GDA: variants seen among roughly 807,000 people sequenced by gnomAD.
The protein encoded by GDA is cytoplasmic PSD-95 interactor.
GDA carries 18 observed loss-of-function variants against 59.6 expected under a neutral mutation model. The ratio of observed to expected loss-of-function variants is 0.30; its 90% confidence interval spans 0.21 to 0.45. The LOEUF is 0.45. Ranked by LOEUF, GDA falls within the 20% of genes least tolerant of loss-of-function variation. GDA has a pLI of 1.00. For synonymous variants in GDA, 201 were observed against 201.1 expected (o/e 1.00, Z 0.00); for missense variants, 427 against 552.3 (o/e 0.77, Z 2.27).
chr9:72,167,445 C>A (rs557804554), intron 1 of GDA, among the ~76,000 whole-genome samples: 12 of 152,030 alleles, frequency 7.9e-5, no homozygotes, highest in Non-Finnish European at 1.2e-4. Flanking sequence ...TTACCTGAAC[C>A]CTTAGCAGTT....
intron 1 of GDA, among the ~76,000 whole-genome samples, chr9:72,178,413 ATTTTTTTTTT>A: frequency 8.5e-6 from 1 of 117,164 alleles, no homozygotes; most frequent in South Asian, 2.7e-4. Context: ...TGGAATCGAT[ATTTTTTTTTT>A]TTTTTTTTTT....
chr9:72,191,615 C>T (rs1017213050), intron 1 of GDA, among the ~76,000 whole-genome samples: 1 of 151,686 alleles, frequency 6.6e-6, no homozygotes, highest in Non-Finnish European at 1.5e-5. Flanking sequence ...TGATTCTTTT[C>T]GCTTTTGTTG....
rs765667048 is a variant in GDA, at chr9:72,225,777, C to A, written c.815C>A (p.Thr272Lys). 6 of 1,271,600 alleles carry A rather than the reference C, an allele frequency of 4.7e-6. No homozygotes were observed. In the African/African-American group the frequency reaches 8.9e-5, roughly 19 times the overall value. 78.8% of individuals were successfully genotyped at this position (1,271,600 alleles called of 1,614,324 possible). Reference sequence around the variant, plus strand: ...GTGTATGATAAAAACAATCTTTTGACAAATAAGGTAAGTTTTATATCATGA... The same window carrying A: ...GTGTATGATAAAAACAATCTTTTGAAAAATAAGGTAAGTTTTATATCATGA... ...TSVYDKNNLL[T>K]NKTVMAHGCY... The change falls in exon 8 of 14, where the codon ACA becomes AAA. Residue 272 changes from threonine (T) to lysine (K), a missense_variant. Transcript: ENST00000358399.
At chr9:72,126,282 G>A (rs913845099) in intron 1 of GDA, among the ~76,000 whole-genome samples, 3 of 152,158 alleles carry the variant, frequency 2.0e-5, no homozygotes, top group African/African-American at 7.2e-5. Flanking sequence ...ATAGTTCCAA[G>A]TACTTAGTTT....
chr9:72,210,011 G>A lies in GDA; in HGVS notation c.385-676G>A, dbSNP rs550497825. On this transcript the variant is annotated intron_variant, in intron 3 of 13. Transcript: ENST00000358399. ...ATAAAGAGTAAATCTCTCTTATAAG[G>A]AAGAAGTTAAGGGTGGTTGGCTGAT... 1.1e-3 allele frequency among the ~76,000 whole-genome samples: 168 copies of A among 152,136 alleles called. 1 individual carries two copies. The highest frequency in any genetic ancestry group is 3.9e-3 in the African/African-American group (162 of 41,488).
At chr9:72,247,255 C>T (rs1587808237) in intron 12 of GDA, 151 bp from the exon 13 acceptor site, 1 of 674,578 alleles carries the variant, frequency 1.5e-6, no homozygotes, top group African/African-American at 1.8e-5. Context: ...TTATAAAGCA[C>T]ATAGCCACTT....
chr9:72,199,171 C>A (rs1833617831), intron 2 of GDA, among the ~76,000 whole-genome samples: 1 of 152,114 alleles, frequency 6.6e-6, no homozygotes, highest in Admixed American at 6.5e-5. Flanking sequence ...AACTTGCAAT[C>A]CCAGACCTTC....
At chr9:72,199,994 CTTTTTTTTTTT>C (rs1271694156) in intron 2 of GDA, among the ~76,000 whole-genome samples, 1 of 119,846 alleles carries the variant, frequency 8.3e-6, no homozygotes, top group Non-Finnish European at 1.7e-5. Context: ...TGAATCCTTT[CTTTTTTTTTTT>C]TTTTTTTTTT....
chr9:72,151,117 AG>A (rs1827149067), intron 1 of GDA, among the ~76,000 whole-genome samples: 1 of 152,234 alleles, frequency 6.6e-6, no homozygotes. Context: ...GAATAAGAAA[AG>A]GAAGTAATAA....
chr9:72,161,019 C>T (rs1828558075), intron 1 of GDA, among the ~76,000 whole-genome samples: 2 of 152,088 alleles, frequency 1.3e-5, no homozygotes, highest in South Asian at 2.1e-4. Flanking sequence ...CAATTCTCCA[C>T]CCGCCACCTC....
intron 10 of GDA, among the ~76,000 whole-genome samples, chr9:72,232,702 C>T (rs2131680166): frequency 6.6e-6 from 1 of 152,262 alleles, no homozygotes; most frequent in East Asian, 1.9e-4. Flanking sequence ...CTTTTCTTGA[C>T]TTTGGATTGT....
chr9:72,194,864 G>T (rs1055071712), intron 1 of GDA, among the ~76,000 whole-genome samples: 1 of 152,174 alleles, frequency 6.6e-6, no homozygotes, highest in African/African-American at 2.4e-5. Flanking sequence ...CCCTCTGTGG[G>T]CAGACATCAG....
chr9:72,209,443 A>T (rs1371364774), intron 3 of GDA, among the ~76,000 whole-genome samples: 6 of 151,858 alleles, frequency 4.0e-5, no homozygotes. Flanking sequence ...ACTTTTGGAG[A>T]GCTCCTGCAT....
chr9:72,179,492 C>T (rs1358109235), intron 1 of GDA, among the ~76,000 whole-genome samples: 1 of 152,154 alleles, frequency 6.6e-6, no homozygotes, highest in African/African-American at 2.4e-5. Flanking sequence ...AATCTTGATC[C>T]TTCAGTAAAT....
At position 72,250,684 on chromosome 9, in the gene GDA, G is replaced by A. The variant is rs1239269078; in HGVS notation, c.*2342G>A. ...AATGTAGGTTGACTTTCTGAATTGT[G>A]GAGAGGCACTTTTCCAAGCCAATCT... On this transcript the variant is annotated 3_prime_UTR_variant, in exon 14 of 14. Transcript: ENST00000358399. The A allele has an allele frequency of 6.2e-7, 1 of 1,610,210 alleles. No homozygotes were observed. Among genetic ancestry groups the A allele is most frequent in the East Asian group, 2.2e-5 (1 of 44,818 alleles).
intron 1 of GDA, among the ~76,000 whole-genome samples, chr9:72,157,164 C>T (rs866866219): frequency 4.0e-5 from 6 of 151,714 alleles, no homozygotes; most frequent in South Asian, 2.1e-4. Context: ...CTCAGCCTCC[C>T]GAGGAGGTGG....
chr9:72,236,163 ATT>A (rs1838966818), intron 10 of GDA, among the ~76,000 whole-genome samples: 1 of 151,882 alleles, frequency 6.6e-6, no homozygotes, highest in African/African-American at 2.4e-5. Context: ...TATTCCCCTC[ATT>A]TTCTTTGTAT....
intron 1 of GDA, among the ~76,000 whole-genome samples, chr9:72,173,927 C>G (rs2130986350): frequency 6.6e-6 from 1 of 152,210 alleles, no homozygotes; most frequent in Non-Finnish European, 1.5e-5. Flanking sequence ...TTTCTTCTCT[C>G]TCTCTGCTCC....
chr9:72,119,886 A>T (rs988166696), intron 1 of GDA, among the ~76,000 whole-genome samples: 3 of 151,732 alleles, frequency 2.0e-5, no homozygotes, highest in Admixed American at 6.6e-5. Context: ...TGCAGAAAAG[A>T]TATACGTTTT....
Sources: allele counts gnomAD v4.1 joint callset (sites outside exome capture counted in the v4.1 genomes callset), GRCh38; gene constraint gnomAD v4.1.1; transcripts MANE v1.5; gene names NCBI Gene and HGNC (gene_info 2026-07-23, HGNC 2026-07-21).